Variants in FAM163B observed in about 807,000 individuals in gnomAD.
FAM163B encodes the protein family with sequence similarity 163 member B.
Under a neutral mutation model 7.6 loss-of-function variants are expected in FAM163B, and 4 were observed. The observed-to-expected ratio is 0.52, with a 90% CI of 0.26 to 1.20. The LOEUF (loss-of-function observed/expected upper bound fraction) is 1.20. Among genes scored for constraint, FAM163B ranks in the 50% most tolerant of loss-of-function variants. The pLI is 0.14. For missense variants in FAM163B, 250 were observed against 243.0 expected, an observed-to-expected ratio of 1.03 and a Z score of -0.19; for synonymous variants, 120 against 111.6, an observed-to-expected ratio of 1.07 and a Z score of -0.47.
Position 133,580,212 on chromosome 9 carries a change from C to T in FAM163B, c.12G>A (p.Gly4=). ...AGATGCCCCCGGTGATGACCACGGT[C>T]CCGGCTGTCATCCGCCCCCTTCTCC... MTA[G]TVVITGGILA... is the part of the protein sequence containing the mutation. Residue 4 remains glycine (G), a synonymous_variant, in exon 2 of 3, where the codon GGG becomes GGA. Coordinates refer to ENST00000673969, the MANE Select transcript of FAM163B (RefSeq NM_001080515.3). 1 of 1,613,482 alleles carries T rather than the reference C, an allele frequency of 6.2e-7. No individual in the cohort carries two copies. The highest frequency in any genetic ancestry group is 8.5e-7 in the Non-Finnish European group (1 of 1,179,968).
chr9:133,590,722 T>A (rs1447641277), intron 1 of FAM163B, among the ~76,000 whole-genome samples: 1 of 151,918 alleles, frequency 6.6e-6, no homozygotes, highest in African/African-American at 2.4e-5. Context: ...AGTAGACACA[T>A]GGAAGGCACC....
rs1831432357 is a variant in FAM163B at position 133,586,049 on chromosome 9, A to G, written c.-23-5803T>C. On this transcript the variant is annotated intron_variant, in intron 1 of 2. Coordinates refer to ENST00000673969, the MANE Select transcript of FAM163B (RefSeq NM_001080515.3). ...CAGAGTTCCTGTCTAGACCTCCTGC[A>G]CATTTGTTCCTAATTTCATGCTCCG... is the stretch of plus-strand genomic sequence containing the variant. 3.3e-5 allele frequency: 5 copies of G among 152,362 alleles called. No individual in the cohort carries two copies. The South Asian group carries it at 1.0e-3, about 32-fold the overall frequency. 9.4% of individuals were successfully genotyped at this position (152,362 alleles called of 1,614,324 possible).
rs1564197335 is a variant in FAM163B, at chr9:133,600,220, G to GT, written c.-24+8856_-24+8857insA. ...TGGTCTGTGTGAGTGTGTGTGTGTG[G>GT]GGGGGAATGTGGTCTGTGTGCATGT... On this transcript the variant is annotated intron_variant, in intron 1 of 2. Transcript: ENST00000673969. The surrounding 1 kb of genome is among the most constrained non-coding windows in gnomAD (Gnocchi z 4.9). Among the ~76,000 whole-genome samples the GT allele has an allele frequency of 2.0e-5, 3 of 147,932 alleles. No individual in the cohort carries two copies. The highest frequency in any genetic ancestry group is 4.1e-4 in the East Asian group (2 of 4,876).
Position 133,606,785 on chromosome 9 carries a change from T to A in FAM163B, c.-24+2292A>T, listed in dbSNP as rs540756074. ...CCCCTCCTGCCCCGAGAGTTTAGAG[T>A]CAGAGGTAATTGACTGAGATGTAAT... On this transcript the variant is annotated intron_variant, in intron 1 of 2. Transcript: ENST00000673969. The surrounding 1 kb of genome is among the most constrained non-coding windows in gnomAD (Gnocchi z 4.0). 6.6e-6 allele frequency among the ~76,000 whole-genome samples: 1 copy of A among 151,582 alleles called. No homozygotes were observed. Among genetic ancestry groups the A allele is most frequent in the Admixed American group, 6.6e-5 (1 of 15,236 alleles).
At chr9:133,608,109 G>C (rs1427139589) in intron 1 of FAM163B, among the ~76,000 whole-genome samples, 1 of 152,204 alleles carries the variant, frequency 6.6e-6, no homozygotes, top group African/African-American at 2.4e-5. Flanking sequence ...AAATGCAAGG[G>C]AGAAGGCTGG....
intron 1 of FAM163B, among the ~76,000 whole-genome samples, chr9:133,607,471 G>A (rs1353861738): frequency 6.6e-6 from 1 of 152,210 alleles, no homozygotes; most frequent in Non-Finnish European, 1.5e-5. Flanking sequence ...ACCTCTGTGT[G>A]CCAGGATTCT....
At chr9:133,602,543 C>G (rs561001744) in intron 1 of FAM163B, among the ~76,000 whole-genome samples, 1 of 152,212 alleles carries the variant, frequency 6.6e-6, no homozygotes, top group African/African-American at 2.4e-5. Flanking sequence ...GACGGCTCAG[C>G]CCAGGGGTGA....
rs749527182 is a variant in FAM163B at position 133,606,066 on chromosome 9, C to T, written c.-24+3011G>A. 3.9e-5 allele frequency among the ~76,000 whole-genome samples: 6 copies of T among 152,310 alleles called. No individual in the cohort carries two copies. The highest frequency in any genetic ancestry group is 2.1e-4 in the South Asian group (1 of 4,828). On this transcript the variant is annotated intron_variant, in intron 1 of 2. Transcript: ENST00000673969. This position sits in a 1 kb window ranked among gnomAD's most constrained non-coding sequence, Gnocchi z 4.0. ...CACTGAGCAGGGCTTACAAGCCTGG[C>T]GGAACCGGACCCCACCTGACTCTCC... is the stretch of plus-strand genomic sequence containing the variant.
Position 133,609,067 on chromosome 9 carries a change from CG to C in FAM163B, c.-24+9del, listed in dbSNP as rs1471169073. ...CACACCCCGTGACCCGCGGCCCGCT[CG>C]GCCCTTACCTTGAAGCATGGGAACC... is the stretch of plus-strand genomic sequence containing the variant. On this transcript the variant is annotated intron_variant, in intron 1 of 2. Transcript: ENST00000673969. Among the ~76,000 whole-genome samples the C allele has an allele frequency of 2.0e-5, 3 of 152,216 alleles. No homozygotes were observed. Among genetic ancestry groups the C allele is most frequent in the Non-Finnish European group, 4.4e-5 (3 of 68,034 alleles).
chr9:133,581,965 T>C (rs996188574), intron 1 of FAM163B, among the ~76,000 whole-genome samples: 31 of 152,338 alleles, frequency 2.0e-4, no homozygotes, highest in Admixed American at 1.8e-3. Flanking sequence ...ACTTTCCAAA[T>C]GTTATCCTTC....
intron 1 of FAM163B, among the ~76,000 whole-genome samples, chr9:133,590,576 A>G (rs1413418587): frequency 6.6e-6 from 1 of 152,220 alleles, no homozygotes; most frequent in Non-Finnish European, 1.5e-5. Context: ...AAAATGGCCC[A>G]GCACCTTGAG....
At chr9:133,599,553 T>A (rs1831682049) in intron 1 of FAM163B, among the ~76,000 whole-genome samples, 1 of 151,478 alleles carries the variant, frequency 6.6e-6, no homozygotes, top group South Asian at 2.1e-4. Flanking sequence ...GTTGAGTGTG[T>A]GCATGTGTTT....
intron 1 of FAM163B, chr9:133,585,963 G>T (rs1831430483): frequency 6.6e-6 from 1 of 152,254 alleles, no homozygotes; most frequent in Admixed American, 6.5e-5. Context: ...GGTTACAAAG[G>T]CGCTCCCATT....
intron 1 of FAM163B, among the ~76,000 whole-genome samples, chr9:133,594,054 G>GGTA (rs1210989147): frequency 1.3e-5 from 2 of 152,230 alleles, no homozygotes; most frequent in African/African-American, 2.4e-5. Context: ...TGTGCCAACT[G>GGTA]GTAGGACTTC....
At position 133,606,369 on chromosome 9, in the gene FAM163B, C is replaced by A. The variant is rs1831789582; in HGVS notation, c.-24+2708G>T. Among the ~76,000 whole-genome samples, 3 of 152,214 alleles carry A rather than the reference C, an allele frequency of 2.0e-5. No homozygotes were observed. The highest frequency in any genetic ancestry group is 7.2e-5 in the African/African-American group (3 of 41,454). On this transcript the variant is annotated intron_variant, in intron 1 of 2. Transcript: ENST00000673969. This position sits in a 1 kb window ranked among gnomAD's most constrained non-coding sequence, Gnocchi z 4.0. ...GAGGCCTCGGAACTCATCAAATCCC[C>A]TCTGGAGCAGATCCAGAAAGACTGA...
At chr9:133,599,842 CGA>C (rs886625222) in intron 1 of FAM163B, among the ~76,000 whole-genome samples, 17 of 144,818 alleles carry the variant, frequency 1.2e-4, no homozygotes, top group African/African-American at 4.4e-4. Flanking sequence ...TGTCTGTGTA[CGA>C]GTGTGTGTGC....
chr9:133,580,187 A>G lies in FAM163B; in HGVS notation c.37T>C (p.Leu13=). The G allele has an allele frequency of 1.9e-6, 3 of 1,613,610 alleles. No individual in the cohort carries two copies. Among genetic ancestry groups the G allele is most frequent in the Non-Finnish European group, 2.5e-6 (3 of 1,180,042 alleles). The part of the protein sequence containing the change: ...AGTVVITGGI[L]ATVILLCIIA... The stretch of plus-strand genomic sequence containing the variant: ...ATGCAGAGCAAAATCACAGTCGCCA[A>G]GATGCCCCCGGTGATGACCACGGTC... Residue 13 remains leucine, a synonymous_variant, in exon 2 of 3, where the codon TTG becomes CTG. Coordinates refer to ENST00000673969, the MANE Select transcript of FAM163B (RefSeq NM_001080515.3).
In FAM163B at chr9:133,579,443, G is replaced by T. The variant is rs1588320072; in HGVS notation, c.94-14C>A. 6.3e-7 allele frequency: 1 copy of T among 1,575,320 alleles called. No individual in the cohort carries two copies. On this transcript the variant is annotated splice_polypyrimidine_tract_variant and intron_variant, in intron 2 of 2. Transcript: ENST00000673969. ...GCAGCAGTAGTACTGCGGGCAGAGG[G>T]ACGGTGACCATGCGGCCGCCCGCTC...
intron 1 of FAM163B, among the ~76,000 whole-genome samples, chr9:133,603,011 G>C (rs752138725): frequency 8.5e-5 from 13 of 152,198 alleles, no homozygotes; most frequent in Non-Finnish European, 1.6e-4. Context: ...AGGGCGGAGG[G>C]GGGGCCAGCC....
Sources: allele counts gnomAD v4.1 joint callset (sites outside exome capture counted in the v4.1 genomes callset), GRCh38; gene constraint gnomAD v4.1.1; non-coding constraint Gnocchi (gnomAD v3.1); transcripts MANE v1.5; gene names NCBI Gene and HGNC (gene_info 2026-07-23, HGNC 2026-07-21).